NKAIN3: variants seen among roughly 807,000 people sequenced by gnomAD.
NKAIN3 encodes sodium/potassium-transporting ATPase subunit beta-1-interacting protein 3.
NKAIN3 carries 25 observed loss-of-function variants against 30.2 expected under a neutral mutation model. That is an observed-to-expected ratio of 0.83 (90% CI 0.60 to 1.16). The LOEUF is 1.16. Among genes scored for constraint, NKAIN3 ranks in the 50% most tolerant of loss-of-function variants. NKAIN3 has a pLI of 0.00. For missense variants in NKAIN3, 225 were observed against 254.1 expected, an observed-to-expected ratio of 0.89 and a Z score of 0.78; for synonymous variants, 91 against 89.6, an observed-to-expected ratio of 1.02 and a Z score of -0.09.
chr8:62,509,555 C>A (rs1451860), intron 1 of NKAIN3, among the ~76,000 whole-genome samples: 10,947 of 152,114 alleles, frequency 0.072, 487 homozygotes, highest in African/African-American at 0.13. Flanking sequence ...TCATTCTTAT[C>A]TCTAACCACC....
intron 1 of NKAIN3, among the ~76,000 whole-genome samples, chr8:62,458,036 C>T (rs377213392): frequency 2.6e-5 from 4 of 152,178 alleles, no homozygotes; most frequent in African/African-American, 7.2e-5. Context: ...GTGTATAATC[C>T]AGCTTTGTCT....
At chr8:62,615,803 C>T (rs909701557) in intron 3 of NKAIN3, among the ~76,000 whole-genome samples, 5 of 152,090 alleles carry the variant, frequency 3.3e-5, no homozygotes, top group Admixed American at 6.5e-5. Flanking sequence ...CCCCCAGTGC[C>T]CAGAGCTGCT....
intron 3 of NKAIN3, among the ~76,000 whole-genome samples, chr8:62,651,977 G>A (rs1422185334): frequency 6.6e-6 from 1 of 152,080 alleles, no homozygotes; most frequent in African/African-American, 2.4e-5. Flanking sequence ...CCATAAGCCA[G>A]AAAAACCTCT....
At chr8:62,806,168 A>G (rs1331711030) in intron 4 of NKAIN3, among the ~76,000 whole-genome samples, 1 of 152,172 alleles carries the variant, frequency 6.6e-6, no homozygotes, top group Non-Finnish European at 1.5e-5. Flanking sequence ...GTGCTGGAGA[A>G]GATGTGGAGA....
At chr8:62,450,234 A>G (rs1805601376) in intron 1 of NKAIN3, among the ~76,000 whole-genome samples, 1 of 152,142 alleles carries the variant, frequency 6.6e-6, no homozygotes, top group African/African-American at 2.4e-5. Flanking sequence ...TATTTTTATT[A>G]ACATTTACAT....
chr8:62,874,845 C>A (rs889373323), intron 4 of NKAIN3, among the ~76,000 whole-genome samples: 8 of 152,098 alleles, frequency 5.3e-5, no homozygotes, highest in Non-Finnish European at 7.3e-5. Context: ...TTATGACAGA[C>A]CTACAGCCAA....
At chr8:62,742,980 A>C (rs1586152094) in intron 3 of NKAIN3, among the ~76,000 whole-genome samples, 1 of 152,160 alleles carries the variant, frequency 6.6e-6, no homozygotes, top group South Asian at 2.1e-4. Flanking sequence ...AAGACCATTA[A>C]ATCTTGTGAG....
At position 62,765,284 on chromosome 8, in the gene NKAIN3, A is replaced by AAAGAG. The variant is rs370385228; in HGVS notation, c.471+18159_471+18160insGAAGA. ...AAAAAAAAGAAAAGAAAAGAAAAGA[A>AAAGAG]AAGAAATTATGTCAGATTCAGGTAC... On this transcript the variant is annotated intron_variant, in intron 4 of 6. Coordinates refer to ENST00000623646, the MANE Select transcript of NKAIN3 (RefSeq NM_001304533.3). Among the ~76,000 whole-genome samples the AAAGAG allele has an allele frequency of 5.0e-3, 751 of 151,450 alleles. 2 individuals are homozygous for AAAGAG. The highest frequency in any genetic ancestry group is 0.017 in the African/African-American group (693 of 41,328).
chr8:62,930,234 C>A (rs961067715), intron 5 of NKAIN3, among the ~76,000 whole-genome samples: 5 of 151,622 alleles, frequency 3.3e-5, no homozygotes, highest in African/African-American at 1.2e-4. Context: ...CCCCTCCCTC[C>A]AGCCTCTAGT....
chr8:62,878,182 T>G (rs543202419), intron 4 of NKAIN3, among the ~76,000 whole-genome samples: 16 of 152,336 alleles, frequency 1.1e-4, no homozygotes, highest in African/African-American at 3.6e-4. Context: ...GAATTTTTAG[T>G]AAGGAAATAT....
intron 5 of NKAIN3, among the ~76,000 whole-genome samples, chr8:62,997,881 A>T (rs1027348435): frequency 2.9e-4 from 44 of 152,170 alleles, no homozygotes; most frequent in Non-Finnish European, 6.5e-4. Context: ...AACTTCAACT[A>T]AAGACTTGTA....
At chr8:62,906,842 T>C (rs1454267367) in intron 4 of NKAIN3, among the ~76,000 whole-genome samples, 2 of 152,210 alleles carry the variant, frequency 1.3e-5, no homozygotes, top group Non-Finnish European at 2.9e-5. Context: ...TTGTATGTCT[T>C]TATTAGCAGT....
intron 1 of NKAIN3, among the ~76,000 whole-genome samples, chr8:62,541,233 C>G (rs891783583): frequency 6.6e-6 from 1 of 152,060 alleles, no homozygotes; most frequent in South Asian, 2.1e-4. Context: ...AGGAGAACTG[C>G]TAGAACCTGG....
intron 1 of NKAIN3, among the ~76,000 whole-genome samples, chr8:62,534,861 G>T (rs56264250): frequency 0.89 from 132,737 of 148,428 alleles, 59,500 homozygotes; most frequent in Middle Eastern, 0.95. Flanking sequence ...GCATTTATTG[G>T]TTTTTTTTTT....
intron 4 of NKAIN3, among the ~76,000 whole-genome samples, chr8:62,802,219 C>T (rs1818091701): frequency 6.6e-6 from 1 of 152,168 alleles, no homozygotes; most frequent in African/African-American, 2.4e-5. Flanking sequence ...AGGAGAAATT[C>T]CCCAATCTAG....
intron 3 of NKAIN3, among the ~76,000 whole-genome samples, chr8:62,633,527 G>A (rs1330224850): frequency 6.6e-6 from 1 of 152,124 alleles, no homozygotes; most frequent in Middle Eastern, 3.2e-3. Flanking sequence ...CTGCATGACA[G>A]CCCCCACAGG....
intron 1 of NKAIN3, among the ~76,000 whole-genome samples, chr8:62,340,679 G>A (rs73684954): frequency 0.039 from 5,953 of 152,040 alleles, 423 homozygotes; most frequent in African/African-American, 0.14. Context: ...CAAGGGTAGG[G>A]GGAATCTTGC....
intron 5 of NKAIN3, among the ~76,000 whole-genome samples, chr8:62,922,745 A>AT (rs10714004): frequency 0.025 from 3,695 of 146,320 alleles, 117 homozygotes; most frequent in African/African-American, 0.077. Flanking sequence ...CAGTGCATAT[A>AT]TTTTTTTTTT....
At chr8:62,917,046 C>T (rs1054425161) in intron 4 of NKAIN3, among the ~76,000 whole-genome samples, 3 of 151,620 alleles carry the variant, frequency 2.0e-5, no homozygotes, top group East Asian at 1.9e-4. Flanking sequence ...CACCATCCTT[C>T]TTCTGAGGTC....
Sources: allele counts gnomAD v4.1 joint callset (sites outside exome capture counted in the v4.1 genomes callset), GRCh38; gene constraint gnomAD v4.1.1; transcripts MANE v1.5; gene names NCBI Gene and HGNC (gene_info 2026-07-23, HGNC 2026-07-21).